EPHA5: variants seen among roughly 807,000 people sequenced by gnomAD.
EPHA5 encodes the protein EPH receptor A5.
In EPHA5, 60 loss-of-function variants were observed where a neutral mutation model predicts 105.0. The observed-to-expected ratio is 0.57, with a 90% CI of 0.46 to 0.71. The LOEUF is 0.71. Among genes scored for constraint, EPHA5 ranks in the 30% least tolerant of loss-of-function variants. The probability of loss-of-function intolerance (pLI) is 0.00; values close to 1 mark genes in which losing one functional copy is unlikely to be tolerated. For missense variants in EPHA5, 1,218 were observed against 1,274.7 expected, an observed-to-expected ratio of 0.96 and a Z score of 0.68; for synonymous variants, 513 against 449.1, an observed-to-expected ratio of 1.14 and a Z score of -1.80.
At chr4:65,605,713 C>T (rs1447083915) in intron 2 of EPHA5, among the ~76,000 whole-genome samples, 1 of 151,262 alleles carries the variant, frequency 6.6e-6, no homozygotes, top group Non-Finnish European at 1.5e-5. Flanking sequence ...GAGTAGACAT[C>T]TGAAAAAAAA....
intron 3 of EPHA5, among the ~76,000 whole-genome samples, chr4:65,553,093 T>TATTAATAAA (rs1218409517): frequency 6.6e-6 from 1 of 152,108 alleles, no homozygotes; most frequent in African/African-American, 2.4e-5. Context: ...CTCCCAGACA[T>TATTAATAAA]ATTAATAAAA....
intron 5 of EPHA5, among the ~76,000 whole-genome samples, chr4:65,487,625 T>C (rs770078655): frequency 6.6e-6 from 1 of 152,168 alleles, no homozygotes; most frequent in African/African-American, 2.4e-5. Flanking sequence ...TTTGGTCTTG[T>C]AGCCCTCACC....
intron 1 of EPHA5, among the ~76,000 whole-genome samples, chr4:65,644,024 T>G (rs1256233404): frequency 6.6e-6 from 1 of 152,020 alleles, no homozygotes; most frequent in East Asian, 1.9e-4. Context: ...AGATAGTTGA[T>G]ATACTTAAGA....
chr4:65,432,277 A>C (rs1725049259), intron 5 of EPHA5, among the ~76,000 whole-genome samples: 1 of 152,192 alleles, frequency 6.6e-6, no homozygotes, highest in Admixed American at 6.5e-5. Context: ...TTTTTGAAGT[A>C]ATGGCTGTAT....
At chr4:65,477,817 T>C (rs543680734) in intron 5 of EPHA5, among the ~76,000 whole-genome samples, 3 of 152,284 alleles carry the variant, frequency 2.0e-5, no homozygotes, top group African/African-American at 7.2e-5. Flanking sequence ...ATAAATTTCT[T>C]TGCAGCACAC....
intron 2 of EPHA5, among the ~76,000 whole-genome samples, chr4:65,642,031 T>C (rs528576301): frequency 3.9e-4 from 59 of 152,070 alleles, no homozygotes; most frequent in Non-Finnish European, 7.7e-4. Context: ...ATAGATATGC[T>C]CTTCCAAGGC....
intron 3 of EPHA5, among the ~76,000 whole-genome samples, chr4:65,575,545 C>T (rs1455782090): frequency 1.3e-5 from 2 of 152,146 alleles, no homozygotes; most frequent in Non-Finnish European, 2.9e-5. Flanking sequence ...TGCCATTTCA[C>T]CTTCCTTTAT....
At position 65,446,241 on chromosome 4, in the gene EPHA5, A is replaced by G. The variant is rs184336773; in HGVS notation, c.1403-25676T>C. 3.3e-4 allele frequency among the ~76,000 whole-genome samples: 50 copies of G among 152,290 alleles called. 2 individuals carry two copies. The highest frequency in any genetic ancestry group is 3.4e-3 in the Middle Eastern group (1 of 294). On this transcript the variant is annotated intron_variant, in intron 5 of 16. Coordinates refer to ENST00000613740, the MANE Select transcript of EPHA5 (RefSeq NM_001281766.3). ...TAAAACTTGGTATTATCTTTGCTTT[A>G]TTGTCTTAGTATGAATAACTTTATA...
intron 5 of EPHA5, among the ~76,000 whole-genome samples, chr4:65,473,484 A>G (rs1471946184): frequency 6.6e-6 from 1 of 152,208 alleles, no homozygotes; most frequent in Non-Finnish European, 1.5e-5. Flanking sequence ...ATTTTGGCAG[A>G]AGAAGAAACA....
intron 1 of EPHA5, among the ~76,000 whole-genome samples, chr4:65,656,587 TTA>T (rs1292689773): frequency 1.4e-5 from 2 of 147,214 alleles, no homozygotes; most frequent in African/African-American, 2.5e-5. Flanking sequence ...TATATATATA[TTA>T]TATATATATA....
rs1717883262 is a variant in EPHA5 at position 65,366,047 on chromosome 4, T to C, written c.1872A>G (p.Pro624=). The change falls in exon 10 of 17, where the codon CCA becomes CCG. Residue 624 remains proline (P), a synonymous_variant. Transcript: ENST00000613740. ...GTGGATCAATGTAAGTTCTTACTCC[T>C]GGCAGTTTAACTGTAAATATAAATT... ...MHFHNGHIKL[P]GVRTYIDPHT... The C allele has an allele frequency of 1.3e-6, 2 of 1,597,936 alleles. No homozygotes were observed. Among genetic ancestry groups the C allele is most frequent in the Non-Finnish European group, 1.7e-6 (2 of 1,168,466 alleles).
intron 5 of EPHA5, among the ~76,000 whole-genome samples, chr4:65,455,324 A>G (rs1007886276): frequency 6.6e-6 from 1 of 152,210 alleles, no homozygotes; most frequent in Non-Finnish European, 1.5e-5. Context: ...TTAGTGGGAA[A>G]TCACCTAAAT....
At chr4:65,590,906 G>A (rs1222412611) in intron 3 of EPHA5, among the ~76,000 whole-genome samples, 1 of 152,096 alleles carries the variant, frequency 6.6e-6, no homozygotes, top group African/African-American at 2.4e-5. Flanking sequence ...GTAATTAAGT[G>A]TGTTTTTACA....
At chr4:65,578,867 TAA>T (rs1275710403) in intron 3 of EPHA5, among the ~76,000 whole-genome samples, 12 of 152,080 alleles carry the variant, frequency 7.9e-5, no homozygotes, top group Non-Finnish European at 1.3e-4. Context: ...CCTATAATTA[TAA>T]GTTTATTGTA....
At chr4:65,641,195 T>C (rs993988255) in intron 2 of EPHA5, among the ~76,000 whole-genome samples, 1 of 152,200 alleles carries the variant, frequency 6.6e-6, no homozygotes, top group Admixed American at 6.5e-5. Flanking sequence ...GTTTTCACCA[T>C]GATGACTGAA....
At chr4:65,539,656 T>C (rs1359147519) in intron 3 of EPHA5, among the ~76,000 whole-genome samples, 1 of 151,586 alleles carries the variant, frequency 6.6e-6, no homozygotes, top group Non-Finnish European at 1.5e-5. Context: ...CAGAGAATAG[T>C]TTTTGGAAAA....
At chr4:65,413,439 T>C (rs1723099271) in intron 7 of EPHA5, among the ~76,000 whole-genome samples, 2 of 152,158 alleles carry the variant, frequency 1.3e-5, no homozygotes, top group Admixed American at 1.3e-4. Context: ...CACATTTTAA[T>C]TTAATAACTC....
chr4:65,387,702 A>G (rs1401416719), intron 8 of EPHA5, among the ~76,000 whole-genome samples: 1 of 151,998 alleles, frequency 6.6e-6, no homozygotes, highest in Admixed American at 6.6e-5. Flanking sequence ...TATCAACAAC[A>G]CAACAAATCA....
intron 3 of EPHA5, among the ~76,000 whole-genome samples, chr4:65,524,418 C>T (rs1237705483): frequency 1.3e-5 from 2 of 151,776 alleles, no homozygotes; most frequent in Admixed American, 1.3e-4. Context: ...TTATGCTCTT[C>T]ATAGTCTGTA....
Sources: gnomAD v4.1 joint callset for allele counts (sites outside exome capture counted in the v4.1 genomes callset) on GRCh38, gnomAD v4.1.1 for gene constraint, MANE v1.5 for transcripts, NCBI Gene and HGNC (gene_info 2026-07-23, HGNC 2026-07-21) for gene names.